DLGAP1: variants seen among roughly 807,000 people sequenced by gnomAD.
DLGAP1 encodes disks large-associated protein 1.
In DLGAP1, 11 loss-of-function variants were observed where a neutral mutation model predicts 90.8. That is an observed-to-expected ratio of 0.12 (90% confidence interval 0.08 to 0.20). The LOEUF (loss-of-function observed/expected upper bound fraction) is 0.20. Ranked by LOEUF, DLGAP1 falls within the 10% of genes least tolerant of loss-of-function variation. The pLI, the probability that DLGAP1 is intolerant of heterozygous loss-of-function variation, is 1.00. For missense variants in DLGAP1, 1,050 were observed against 1,333.8 expected, an observed-to-expected ratio of 0.79 and a Z score of 3.31; for synonymous variants, 558 against 540.7, an observed-to-expected ratio of 1.03 and a Z score of -0.44.
At chr18:3,663,544 C>T (rs2059763201) in intron 7 of DLGAP1, among the ~76,000 whole-genome samples, 1 of 152,164 alleles carries the variant, frequency 6.6e-6, no homozygotes, top group South Asian at 2.1e-4. Context: ...TATCTGGGCT[C>T]AGACCTTAAG....
chr18:4,301,628 C>A (rs888022262), intron 1 of DLGAP1, among the ~76,000 whole-genome samples: 1 of 152,060 alleles, frequency 6.6e-6, no homozygotes, highest in Non-Finnish European at 1.5e-5. Context: ...TGCAGATATG[C>A]CTTTGACACG....
At chr18:3,725,453 C>G (rs760779698) in intron 7 of DLGAP1, among the ~76,000 whole-genome samples, 5 of 152,026 alleles carry the variant, frequency 3.3e-5, no homozygotes, top group Non-Finnish European at 7.4e-5. Flanking sequence ...GCATCAAGTT[C>G]TACTGTTACC....
intron 1 of DLGAP1, among the ~76,000 whole-genome samples, chr18:4,228,822 T>G (rs1290501623): frequency 6.6e-6 from 1 of 151,762 alleles, no homozygotes; most frequent in Non-Finnish European, 1.5e-5. Flanking sequence ...TTCAACATAA[T>G]ACTGGAATTC....
chr18:3,762,749 T>C (rs994511401), intron 5 of DLGAP1, among the ~76,000 whole-genome samples: 1 of 152,194 alleles, frequency 6.6e-6, no homozygotes, highest in Non-Finnish European at 1.5e-5. Context: ...CAATCATGTA[T>C]CTTCCAAGCC....
chr18:4,254,219 A>G (rs1409222430), intron 1 of DLGAP1, among the ~76,000 whole-genome samples: 1 of 152,204 alleles, frequency 6.6e-6, no homozygotes, highest in Admixed American at 6.5e-5. Context: ...TCCAAGTGCC[A>G]TGATATACAG....
At chr18:3,546,605 T>G (rs1276031101) in intron 9 of DLGAP1, among the ~76,000 whole-genome samples, 1 of 151,918 alleles carries the variant, frequency 6.6e-6, no homozygotes, top group Non-Finnish European at 1.5e-5. Flanking sequence ...AATCCTCAAA[T>G]TTTTGGAGAC....
At chr18:3,888,565 A>C (rs1161704543) in intron 3 of DLGAP1, among the ~76,000 whole-genome samples, 1 of 152,004 alleles carries the variant, frequency 6.6e-6, no homozygotes, top group Non-Finnish European at 1.5e-5. Flanking sequence ...AAAAAAAAAA[A>C]AACCAACGAC....
chr18:4,109,757 C>G (rs1160994134), intron 2 of DLGAP1, among the ~76,000 whole-genome samples: 2 of 152,094 alleles, frequency 1.3e-5, no homozygotes, highest in Non-Finnish European at 2.9e-5. Flanking sequence ...ACCATTAATC[C>G]TAACTCAAAC....
chr18:4,004,999 T>C (rs2074274593), intron 3 of DLGAP1, 117 bp downstream of exon 3: 1 of 151,864 alleles, frequency 6.6e-6, no homozygotes, highest in African/African-American at 2.4e-5. Context: ...CGTAGTGGGA[T>C]GTTGGCCTTT....
At chr18:3,894,593 G>A (rs1250580207) in intron 3 of DLGAP1, 1 of 152,158 alleles carries the variant, frequency 6.6e-6, no homozygotes, top group Non-Finnish European at 1.5e-5. Flanking sequence ...TAGCCTTGTA[G>A]TATAATTTGA....
chr18:3,957,934 C>T (rs904184290), intron 3 of DLGAP1, among the ~76,000 whole-genome samples: 2 of 150,030 alleles, frequency 1.3e-5, no homozygotes, highest in African/African-American at 2.5e-5. Context: ...ACTCTTGTTG[C>T]CCAGGCTGGA....
intron 1 of DLGAP1, among the ~76,000 whole-genome samples, chr18:4,445,298 C>CT (rs71160965): frequency 0.74 from 110,167 of 147,962 alleles, 41,355 homozygotes; most frequent in East Asian, 0.91. Context: ...TACCAATCAT[C>CT]TTTTTTTTTT....
chr18:3,774,573 A>T (rs923758230), intron 5 of DLGAP1: 3 of 152,228 alleles, frequency 2.0e-5, no homozygotes, highest in African/African-American at 7.2e-5. Flanking sequence ...CCTGGAGATG[A>T]TGTCTCTTAT....
intron 4 of DLGAP1, among the ~76,000 whole-genome samples, chr18:3,827,054 T>G (rs879293478): frequency 6.6e-6 from 1 of 152,114 alleles, no homozygotes; most frequent in Non-Finnish European, 1.5e-5. Context: ...AGGAGTAGAC[T>G]CAGGATGGAA....
chr18:3,980,064 A>T (rs557174768), intron 3 of DLGAP1, among the ~76,000 whole-genome samples: 80 of 152,278 alleles, frequency 5.3e-4, no homozygotes, highest in African/African-American at 1.9e-3. Flanking sequence ...TTTACGTGGG[A>T]GGTGGTTGTT....
chr18:4,251,318 A>T (rs1465483462), intron 1 of DLGAP1, among the ~76,000 whole-genome samples: 1 of 152,218 alleles, frequency 6.6e-6, no homozygotes, highest in African/African-American at 2.4e-5. Context: ...GGTCTGTCAG[A>T]GCTCATTTAG....
intron 1 of DLGAP1, among the ~76,000 whole-genome samples, chr18:4,410,437 G>A (rs2144604570): frequency 1.3e-5 from 2 of 152,224 alleles, no homozygotes; most frequent in East Asian, 3.9e-4. Context: ...ATAGCATTCT[G>A]AGAATTATCA....
intron 12 of DLGAP1, among the ~76,000 whole-genome samples, chr18:3,501,589 G>A (rs562452882): frequency 2.6e-5 from 4 of 152,248 alleles, no homozygotes; most frequent in South Asian, 2.1e-4. Flanking sequence ...CATGATATGC[G>A]GTAGCAGAAT....
At chr18:3,752,821 G>T (rs888222256) in intron 5 of DLGAP1, among the ~76,000 whole-genome samples, 3 of 151,766 alleles carry the variant, frequency 2.0e-5, no homozygotes, top group Non-Finnish European at 4.4e-5. Flanking sequence ...CTAGCATGAT[G>T]TTTTCAAGGT....
Sources: allele counts gnomAD v4.1 joint callset (sites outside exome capture counted in the v4.1 genomes callset), GRCh38; gene constraint gnomAD v4.1.1; transcripts MANE v1.5; gene names NCBI Gene and HGNC (gene_info 2026-07-23, HGNC 2026-07-21).